WWP1: variants seen among roughly 807,000 people sequenced by gnomAD.
The protein encoded by WWP1 is WW domain containing E3 ubiquitin protein ligase 1.
In WWP1, 49 loss-of-function variants were observed where a neutral mutation model predicts 130.6. The observed-to-expected ratio is 0.38, with a 90% confidence interval of 0.30 to 0.48. The LOEUF is 0.48. Among genes scored for constraint, WWP1 ranks in the 20% least tolerant of loss-of-function variants. WWP1 has a pLI of 0.99. For synonymous variants in WWP1, 332 were observed against 367.8 expected, an observed-to-expected ratio of 0.90 and a Z score of 1.11; for missense variants, 809 against 1,100.6, an observed-to-expected ratio of 0.74 and a Z score of 3.75.
At chr8:86,416,118 A>G (rs1808877109) in intron 9 of WWP1, among the ~76,000 whole-genome samples, 2 of 152,246 alleles carry the variant, frequency 1.3e-5, no homozygotes, top group Admixed American at 6.5e-5. Context: ...CAAAGAGTTT[A>G]TTTATTGTTG....
chr8:86,359,667 T>A (rs1823454668), intron 1 of WWP1, among the ~76,000 whole-genome samples: 2 of 152,174 alleles, frequency 1.3e-5, no homozygotes, highest in African/African-American at 4.8e-5. Context: ...CAGCCAGTTC[T>A]GCCTTCTCAG....
chr8:86,349,377 A>G (rs1217812138), intron 1 of WWP1, among the ~76,000 whole-genome samples: 5 of 152,208 alleles, frequency 3.3e-5, no homozygotes, highest in Non-Finnish European at 7.3e-5. Flanking sequence ...TTTCTGCCTT[A>G]TTATACTGGT....
chr8:86,457,239 A>C (rs1178941043), intron 21 of WWP1, among the ~76,000 whole-genome samples: 1 of 151,972 alleles, frequency 6.6e-6, no homozygotes, highest in African/African-American at 2.4e-5. Context: ...TTGTTTGACA[A>C]TTTCACATAG....
At chr8:86,457,425 G>GTCTATCTATCTA (rs746203287) in intron 21 of WWP1, among the ~76,000 whole-genome samples, 329 of 150,648 alleles carry the variant, frequency 2.2e-3, no homozygotes, top group African/African-American at 7.4e-3. Flanking sequence ...CTGTCTGTCT[G>GTCTATCTATCTA]TCTGTCTATC....
At chr8:86,425,184 G>A in intron 9 of WWP1, 39 bp from the exon 10 acceptor site, 1 of 1,530,178 alleles carries the variant, frequency 6.5e-7, no homozygotes, top group East Asian at 2.3e-5. Context: ...TTGTCCTAGT[G>A]TGTTGTCTCT....
chr8:86,423,619 C>A (rs1175019690), intron 9 of WWP1, among the ~76,000 whole-genome samples: 1 of 152,202 alleles, frequency 6.6e-6, no homozygotes, highest in Non-Finnish European at 1.5e-5. Context: ...CCTATGTCTA[C>A]TTCTTTCTAC....
chr8:86,414,248 T>C (rs59938906), intron 9 of WWP1, among the ~76,000 whole-genome samples: 8,222 of 150,164 alleles, frequency 0.055, 371 homozygotes, highest in African/African-American at 0.12. Flanking sequence ...TGTGTGTGTG[T>C]ATGTGTGTGT....
chr8:86,443,702 A>G (rs1810712779), intron 18 of WWP1, among the ~76,000 whole-genome samples: 1 of 152,060 alleles, frequency 6.6e-6, no homozygotes, highest in African/African-American at 2.4e-5. Flanking sequence ...CTTTTTTTAT[A>G]TGGTATGGTT....
At chr8:86,379,642 C>T (rs1205551309) in intron 3 of WWP1, among the ~76,000 whole-genome samples, 4 of 152,118 alleles carry the variant, frequency 2.6e-5, no homozygotes, top group Non-Finnish European at 5.9e-5. Flanking sequence ...ATTAGATTTT[C>T]ACTTTCTGGA....
chr8:86,423,958 C>G (rs1185034304), intron 9 of WWP1, among the ~76,000 whole-genome samples: 11 of 3,296 alleles, frequency 3.3e-3, no homozygotes, highest in Non-Finnish European at 7.8e-3. Context: ...CCCCCATAAG[C>G]GCTAACTTAA....
chr8:86,352,041 T>C, intron 1 of WWP1, among the ~76,000 whole-genome samples: 1 of 146,144 alleles, frequency 6.8e-6, no homozygotes, highest in African/African-American at 2.5e-5. Flanking sequence ...AAATATTCCT[T>C]TTTTTTTTTT....
intron 1 of WWP1, among the ~76,000 whole-genome samples, chr8:86,365,510 C>T (rs753931665): frequency 6.6e-6 from 1 of 152,156 alleles, no homozygotes; most frequent in Non-Finnish European, 1.5e-5. Flanking sequence ...GTAGATATTG[C>T]AAGTACTCTT....
intron 14 of WWP1, among the ~76,000 whole-genome samples, chr8:86,433,570 A>G (rs909295198): frequency 6.6e-6 from 1 of 151,746 alleles, no homozygotes; most frequent in African/African-American, 2.4e-5. Flanking sequence ...AATTATAACA[A>G]CAACAACAAA....
chr8:86,442,859 T>A, intron 18 of WWP1, 81 bp downstream of exon 18: 44 of 1,292,360 alleles, frequency 3.4e-5, no homozygotes, highest in Non-Finnish European at 4.5e-5. Context: ...AAAAAAAGGA[T>A]AAGCATTATA....
intron 7 of WWP1, among the ~76,000 whole-genome samples, chr8:86,401,761 G>A (rs1807992295): frequency 6.6e-6 from 1 of 151,824 alleles, no homozygotes; most frequent in Non-Finnish European, 1.5e-5. Flanking sequence ...TTTTTTATCT[G>A]CAGAATGAAT....
At chr8:86,424,021 G>C (rs1464426163) in intron 9 of WWP1, among the ~76,000 whole-genome samples, 3 of 143,684 alleles carry the variant, frequency 2.1e-5, no homozygotes, top group Non-Finnish European at 4.6e-5. Flanking sequence ...GGCAGCTGCC[G>C]GGCGGAGACG....
Position 86,427,741 on chromosome 8 carries a change from A to G in WWP1, c.1256A>G (p.Asn419Ser), listed in dbSNP as rs991546927. 35 of 1,614,080 alleles carry G rather than the reference A, an allele frequency of 2.2e-5. No homozygotes were observed. Among genetic ancestry groups the G allele is most frequent in the Non-Finnish European group, 2.9e-5 (34 of 1,179,952 alleles). Reference sequence around the variant, plus strand: ...CGGCCTACCATGGAATCTGTCCGAAATTTTGAACAGTGGCAATCTCAGCGG... The same window carrying G: ...CGGCCTACCATGGAATCTGTCCGAAGTTTTGAACAGTGGCAATCTCAGCGG... ...WQRPTMESVR[N>S]FEQWQSQRNQ... The change falls in exon 11 of 25, where the codon AAT (asparagine) becomes AGT (serine). Residue 419 changes from asparagine (N) to serine (S), a missense_variant. Physicochemically the swap from Asn to Ser is conservative, Grantham distance 46. Transcript: ENST00000517970.
chr8:86,423,821 C>G lies in WWP1; in HGVS notation c.1062-1402C>G, dbSNP rs1389056885. ...CGGCCGGGCAGAGGCGCCCCCCCCC[C>G]ACCTCCCGGACGGGGCGGCGGCTGG... On this transcript the variant is annotated intron_variant, in intron 9 of 24. Transcript: ENST00000517970. Among the ~76,000 whole-genome samples, 414 of 112,108 alleles carry G rather than the reference C, an allele frequency of 3.7e-3. 5 individuals carry two copies. Among genetic ancestry groups the G allele is most frequent in the Admixed American group, 0.029 (353 of 12,120 alleles). The allele number at this position is 112,108 out of a possible 152,430, so 73.5% of individuals were successfully genotyped here.
intron 5 of WWP1, among the ~76,000 whole-genome samples, chr8:86,385,497 T>TA (rs1388285040): frequency 6.6e-6 from 1 of 152,106 alleles, no homozygotes; most frequent in Non-Finnish European, 1.5e-5. Flanking sequence ...GACATTTTTT[T>TA]AAAAAAAGTT....
Sources: gnomAD v4.1 joint callset for allele counts (sites outside exome capture counted in the v4.1 genomes callset) on GRCh38, gnomAD v4.1.1 for gene constraint, MANE v1.5 for transcripts, NCBI Gene and HGNC (gene_info 2026-07-23, HGNC 2026-07-21) for gene names.